CCDC174: variants seen among roughly 807,000 people sequenced by gnomAD.
CCDC174 encodes the protein coiled-coil domain containing 174, also known as coiled-coil domain-containing protein 174.
CCDC174 carries 37 observed loss-of-function variants against 57.1 expected under a neutral mutation model. The observed-to-expected ratio is 0.65, with a 90% CI of 0.50 to 0.85. The LOEUF (loss-of-function observed/expected upper bound fraction) is 0.85. Ranked by LOEUF, CCDC174 falls within the 40% of genes least tolerant of loss-of-function variation. The probability of loss-of-function intolerance (pLI) is 0.00; values close to 1 mark genes in which losing one functional copy is unlikely to be tolerated. For missense variants in CCDC174, 540 were observed against 574.3 expected (o/e 0.94, Z 0.61); for synonymous variants, 182 against 190.2 (o/e 0.96, Z 0.35).
chr3:14,658,725 C>T (rs1282562354), intron 3 of CCDC174, 146 bp from the exon 4 acceptor site: 2 of 842,646 alleles, frequency 2.4e-6, no homozygotes, highest in East Asian at 3.3e-5. Context: ...AGGGTCTCCT[C>T]AGGATGGTGT....
chr3:14,669,551 T>A (rs1208519577), intron 9 of CCDC174, among the ~76,000 whole-genome samples: 1 of 152,140 alleles, frequency 6.6e-6, no homozygotes, highest in African/African-American at 2.4e-5. Flanking sequence ...GATTGTGATG[T>A]TAGTTGAGTG....
intron 5 of CCDC174, among the ~76,000 whole-genome samples, chr3:14,662,709 C>T (rs886634466): frequency 2.0e-5 from 3 of 152,144 alleles, no homozygotes; most frequent in Non-Finnish European, 4.4e-5. Flanking sequence ...TTGTGGTGGG[C>T]ATTTGTTAGG....
chr3:14,663,490 A>G (rs1449667411), intron 5 of CCDC174, among the ~76,000 whole-genome samples: 2 of 152,166 alleles, frequency 1.3e-5, no homozygotes, highest in Admixed American at 1.3e-4. Flanking sequence ...TAAGCGTTTC[A>G]TGGGTGTGTG....
chr3:14,659,784 T>C (rs529782308), intron 4 of CCDC174, among the ~76,000 whole-genome samples: 1 of 152,262 alleles, frequency 6.6e-6, no homozygotes, highest in African/African-American at 2.4e-5. Flanking sequence ...AGAGATTTTA[T>C]GAGGCAGGGA....
intron 4 of CCDC174, among the ~76,000 whole-genome samples, chr3:14,659,183 A>G (rs980178868): frequency 6.6e-6 from 1 of 150,674 alleles, no homozygotes; most frequent in African/African-American, 2.4e-5. Context: ...CCCTCAAGGC[A>G]GGGTCATCTG....
chr3:14,667,858 C>A, intron 8 of CCDC174, 191 bp from the exon 9 acceptor site: 2 of 595,652 alleles, frequency 3.4e-6, no homozygotes, highest in Non-Finnish European at 5.9e-6. Context: ...TCTTATGAAA[C>A]TTTGTAAGAC....
Position 14,671,698 on chromosome 3 carries a change from A to G in CCDC174, c.*504A>G, listed in dbSNP as rs1376906807. ...TCCAAGAGGACCCGGAAGTAATCAC[A>G]TAGGAAATGATAAGGAAGACCAGGA... On this transcript the variant is annotated 3_prime_UTR_variant, in exon 11 of 11. Transcript: ENST00000383794. 1 of 153,342 alleles carries G rather than the reference A, an allele frequency of 6.5e-6. No individual in the cohort carries two copies. Among genetic ancestry groups the G allele is most frequent in the Non-Finnish European group, 1.5e-5 (1 of 68,912 alleles). 9.5% of individuals were successfully genotyped at this position (153,342 alleles called of 1,614,324 possible). A position where few individuals can be genotyped will look rare whatever the true frequency, so the allele number is the denominator to read the frequency against.
chr3:14,667,979 A>T (rs2031394533), intron 8 of CCDC174, 70 bp from the exon 9 acceptor site: 1 of 1,483,124 alleles, frequency 6.7e-7, no homozygotes, highest in African/African-American at 1.4e-5. Context: ...TTAGAAGAAA[A>T]TTTCATCTTT....
Position 14,651,765 on chromosome 3 carries a change from A to G in CCDC174, c.-72A>G, listed in dbSNP as rs2030768049. 12 of 1,506,778 alleles carry G rather than the reference A, an allele frequency of 8.0e-6. No individual in the cohort carries two copies. The Admixed American group carries it at 2.0e-4, about 25-fold the overall frequency. The allele number at this position is 1,506,778 out of a possible 1,614,324, so 93.3% of individuals were successfully genotyped here. A position where few individuals can be genotyped will look rare whatever the true frequency, so the allele number is the denominator to read the frequency against. On this transcript the variant is annotated 5_prime_UTR_variant, in exon 1 of 11. Coordinates refer to ENST00000383794, the MANE Select transcript of CCDC174 (RefSeq NM_016474.5). ...GCTGTCGAAGACACTTCCGGTTGCG[A>G]CGGAGGTAGGCTTACGAGGCCTGTG...
chr3:14,662,005 G>A, intron 5 of CCDC174: 1 of 272,228 alleles, frequency 3.7e-6, no homozygotes, highest in Non-Finnish European at 6.9e-6. Flanking sequence ...GGCAGACTTG[G>A]CTTGCCTGGC....
chr3:14,654,553 C>T, intron 2 of CCDC174, 23 bp downstream of exon 2: 2 of 1,142,710 alleles, frequency 1.8e-6, no homozygotes. Context: ...ATCTAATTAT[C>T]TCCATTGGTT....
rs2030932045 is a variant in CCDC174, at chr3:14,655,600, T to C, written c.219T>C (p.Ile73=). The C allele has an allele frequency of 6.2e-7, 1 of 1,609,918 alleles. No individual in the cohort carries two copies. Among genetic ancestry groups the C allele is most frequent in the Non-Finnish European group, 8.5e-7 (1 of 1,177,610 alleles). Residue 73 remains isoleucine (I), a synonymous_variant, in exon 3 of 11, where the codon ATT becomes ATC. Coordinates refer to ENST00000383794, the MANE Select transcript of CCDC174 (RefSeq NM_016474.5). ...CTGAGAAGGATGCTGAACAGAAGAT[T>C]GAAGAACAGAAGACTTTAGACAAAG... is the stretch of plus-strand genomic sequence containing the variant. ...NRAEKDAEQK[I]EEQKTLDKAR... is the part of the protein sequence containing the mutation.
At chr3:14,666,772 C>A (rs201236853) in intron 6 of CCDC174, 33 bp from the exon 7 acceptor site, 1 of 1,538,578 alleles carries the variant, frequency 6.5e-7, no homozygotes, top group African/African-American at 1.4e-5. Context: ...CAATCCTTAT[C>A]TGAAGATAGT....
intron 4 of CCDC174, among the ~76,000 whole-genome samples, chr3:14,660,354 AT>A: frequency 6.6e-6 from 1 of 152,146 alleles, no homozygotes; most frequent in East Asian, 1.9e-4. Flanking sequence ...AAATACAAAA[AT>A]TTGCCAGGCG....
chr3:14,667,536 G>A lies in CCDC174; in HGVS notation c.819+18G>A, dbSNP rs768745171. 1.9e-6 allele frequency: 3 copies of A among 1,585,832 alleles called. No homozygotes were observed. Among genetic ancestry groups the A allele is most frequent in the Admixed American group, 1.7e-5 (1 of 59,958 alleles). Reference sequence around the variant, plus strand: ...GTGAACAGGTACAGATAAATCCCAAGTGACTGTGAGGAAAGATGTGAGCGC... The same window carrying A: ...GTGAACAGGTACAGATAAATCCCAAATGACTGTGAGGAAAGATGTGAGCGC... On this transcript the variant is annotated intron_variant, in intron 8 of 10. Transcript: ENST00000383794.
At chr3:14,657,856 C>T (rs1330100558) in intron 3 of CCDC174, among the ~76,000 whole-genome samples, 1 of 152,250 alleles carries the variant, frequency 6.6e-6, no homozygotes, top group Non-Finnish European at 1.5e-5. Context: ...TTTCCCCTGA[C>T]TGCCCTCTCT....
chr3:14,655,110 G>A (rs2030906027), intron 2 of CCDC174, among the ~76,000 whole-genome samples: 2 of 152,180 alleles, frequency 1.3e-5, no homozygotes, highest in Admixed American at 1.3e-4. Flanking sequence ...GACCCCAGGA[G>A]TTCGAGACCC....
At position 14,661,687 on chromosome 3, in the gene CCDC174, C is replaced by T. The variant is rs745991450; in HGVS notation, c.465C>T (p.Pro155=). ...ENLPEGEIPP[P]QDPSEEWVDY... ...TTCCTGAGGGAGAGATCCCTCCTCC[C>T]CAAGACCCCAGTGAAGAATGGTTGG... Residue 155 remains proline, a synonymous_variant, in exon 5 of 11, where the codon CCC becomes CCT. Coordinates refer to ENST00000383794, the MANE Select transcript of CCDC174 (RefSeq NM_016474.5). The T allele has an allele frequency of 6.2e-7, 1 of 1,613,216 alleles. No individual in the cohort carries two copies. Among genetic ancestry groups the T allele is most frequent in the South Asian group, 1.1e-5 (1 of 90,940 alleles).
intron 8 of CCDC174, 23 bp from the exon 9 acceptor site, chr3:14,668,026 T>C (rs1377481110): frequency 3.2e-6 from 5 of 1,555,554 alleles, no homozygotes; most frequent in Non-Finnish European, 4.3e-6. Flanking sequence ...TTCAAGCAAA[T>C]AATTTTCTGA....
Sources: gnomAD v4.1 joint callset for allele counts (sites outside exome capture counted in the v4.1 genomes callset) on GRCh38, gnomAD v4.1.1 for gene constraint, MANE v1.5 for transcripts, NCBI Gene and HGNC (gene_info 2026-07-23, HGNC 2026-07-21) for gene names.